Variants in SNX19 observed in about 807,000 individuals in gnomAD.
SNX19 encodes the protein sorting nexin 19.
In SNX19, 60 loss-of-function variants were observed where a neutral mutation model predicts 85.2. The observed-to-expected ratio is 0.70, with a 90% confidence interval of 0.57 to 0.87. The LOEUF (loss-of-function observed/expected upper bound fraction) is 0.87. Ranked by LOEUF, SNX19 falls within the 40% of genes least tolerant of loss-of-function variation. SNX19 has a pLI of 0.00. For synonymous variants in SNX19, 520 were observed against 470.0 expected, an observed-to-expected ratio of 1.11 and a Z score of -1.38; for missense variants, 1,201 against 1,217.8, an observed-to-expected ratio of 0.99 and a Z score of 0.21.
At chr11:130,902,128 C>T (rs770814818) in intron 8 of SNX19, among the ~76,000 whole-genome samples, 22 of 152,228 alleles carry the variant, frequency 1.4e-4, no homozygotes, top group Non-Finnish European at 2.6e-4. Context: ...AAGTGTGCTA[C>T]TAATGACGAC....
chr11:130,874,984 A>G lies in SNX19; in HGVS notation c.*3438T>C, dbSNP rs1943167906. ...TCTTCAAAGAATTAAAAACAGAACA[A>G]TATATGATCCAGCAATCCTACTTCT... On this transcript the variant is annotated 3_prime_UTR_variant, in exon 11 of 11. Coordinates refer to ENST00000265909, the MANE Select transcript of SNX19 (RefSeq NM_014758.3). 6.6e-6 allele frequency among the ~76,000 whole-genome samples: 1 copy of G among 152,222 alleles called. No homozygotes were observed. Among genetic ancestry groups the G allele is most frequent in the Admixed American group, 6.5e-5 (1 of 15,288 alleles).
Position 130,868,635 on chromosome 11 carries a change from C to G in SNX19, c.*9787G>C, listed in dbSNP as rs1942879348. The G allele has an allele frequency of 1.3e-5, 2 of 152,194 alleles. No homozygotes were observed. Among genetic ancestry groups the G allele is most frequent in the Non-Finnish European group, 2.9e-5 (2 of 68,100 alleles). The allele number at this position is 152,194 out of a possible 1,614,324, so 9.4% of individuals were successfully genotyped here. A position where few individuals can be genotyped will look rare whatever the true frequency, so the allele number is the denominator to read the frequency against. On this transcript the variant is annotated 3_prime_UTR_variant, in exon 11 of 11. Coordinates refer to ENST00000265909, the MANE Select transcript of SNX19 (RefSeq NM_014758.3). ...CGCTATGAAACTTGCTCAGGACACC[C>G]TTTTTCTCAGTTTGAGGTTAAGTAC...
In SNX19 at chr11:130,915,283, C is replaced by T. The variant is rs757101795; in HGVS notation, c.657G>A (p.Leu219=). The change falls in exon 1 of 11, where the codon TTG becomes TTA. Residue 219 remains leucine (L), a synonymous_variant. Transcript: ENST00000265909. ...GGGGCTTGGGCACCAGCCCTTGAAG[C>T]AACAAATTCACAACGCCACGCGTAT... The part of the protein sequence containing the change: ...VTYTRGVVNL[L]LQGLVPKPHL... 1.3e-5 allele frequency: 21 copies of T among 1,614,120 alleles called. No individual in the cohort carries two copies. Among genetic ancestry groups the T allele is most frequent in the Non-Finnish European group, 1.8e-5 (21 of 1,180,050 alleles).
Position 130,906,249 on chromosome 11 carries a change from C to A in SNX19, c.2263-116G>T, listed in dbSNP as rs982198509. 30 of 1,020,002 alleles carry A rather than the reference C, an allele frequency of 2.9e-5. No individual in the cohort carries two copies. In the Admixed American group the frequency reaches 3.2e-4, roughly 11 times the overall value. 63.2% of individuals were successfully genotyped at this position (1,020,002 alleles called of 1,614,324 possible). A position where few individuals can be genotyped will look rare whatever the true frequency, so the allele number is the denominator to read the frequency against. On this transcript the variant is annotated intron_variant, in intron 6 of 10. Coordinates refer to ENST00000265909, the MANE Select transcript of SNX19 (RefSeq NM_014758.3). ...TAAGTACCTTGGGTATAAAACCCAA[C>A]TGATGCTATGACTCCTTTAGGAAAG...
rs1565560071 is a variant in SNX19 at position 130,915,525 on chromosome 11, C to CCAACCCT, written c.408_414dup (p.Val139ArgfsTer48). The CCAACCCT allele has an allele frequency of 6.2e-7, 1 of 1,614,234 alleles. No individual in the cohort carries two copies. The highest frequency in any genetic ancestry group is 1.1e-5 in the South Asian group (1 of 91,088). On this transcript the variant is annotated frameshift_variant, in exon 1 of 11. Transcript: ENST00000265909. LOFTEE classifies it high-confidence loss of function. ...CTCATCCTTCTCCGAAGCTCCTGGA[C>CCAACCCT]CAACCCTTTCATGGCTGCCTCCATT...
intron 5 of SNX19, among the ~76,000 whole-genome samples, 168 bp downstream of exon 5, chr11:130,907,785 C>A (rs1402355710): frequency 6.6e-6 from 1 of 152,178 alleles, no homozygotes; most frequent in Non-Finnish European, 1.5e-5. Context: ...ACCGCAGGCT[C>A]CTCCGGGTGG....
chr11:130,891,968 G>A (rs1944530654), intron 8 of SNX19, among the ~76,000 whole-genome samples: 1 of 151,466 alleles, frequency 6.6e-6, no homozygotes, highest in South Asian at 2.1e-4. Flanking sequence ...AGCCTCCCGA[G>A]TACCTGGGAC....
At position 130,879,660 on chromosome 11, in the gene SNX19, A is replaced by G. The variant is rs774160457; in HGVS notation, c.2810T>C (p.Leu937Pro). The G allele has an allele frequency of 6.2e-6, 10 of 1,613,980 alleles. No individual in the cohort carries two copies. In the East Asian group the frequency reaches 2.2e-4, roughly 36 times the overall value. ...GGGTTGTTGTAGTGACTCCAGGACT[A>G]GACCCCAGCTCAGCCGGCATTTGTT... ...GVNKCRLSWG[L>P]VLESLQQPLI... The change falls in exon 10 of 11, where the codon CTA becomes CCA. Residue 937 changes from leucine (L) to proline (P), a missense_variant. Leu to Pro is a moderately conservative substitution (Grantham distance 98). Around this residue, in one of 3 missense-constraint regions of SNX19, gnomAD observed 285 missense variants for 295.3 expected, o/e 0.97. Transcript: ENST00000265909.
At position 130,874,475 on chromosome 11, in the gene SNX19, C is replaced by A. The variant is rs1565495612; in HGVS notation, c.*3947G>T. Among the ~76,000 whole-genome samples, 1 of 152,220 alleles carries A rather than the reference C, an allele frequency of 6.6e-6. No homozygotes were observed. The highest frequency in any genetic ancestry group is 2.1e-4 in the South Asian group (1 of 4,832). On this transcript the variant is annotated 3_prime_UTR_variant, in exon 11 of 11. Transcript: ENST00000265909. ...GAAGGCAGGCAGTCTGAGAGCACAG[C>A]TGACCTAATTAGAATGGCAAGGAAG...
At chr11:130,891,813 G>C (rs988620003) in intron 8 of SNX19, among the ~76,000 whole-genome samples, 2 of 150,932 alleles carry the variant, frequency 1.3e-5, no homozygotes, top group African/African-American at 2.4e-5. Flanking sequence ...TGAGTATTGT[G>C]ACATGTTTAA....
intron 8 of SNX19, among the ~76,000 whole-genome samples, chr11:130,898,971 C>A (rs1005805895): frequency 2.0e-5 from 3 of 152,126 alleles, no homozygotes; most frequent in African/African-American, 7.2e-5. Context: ...ATCAGAAAAA[C>A]CTGGGTTCAA....
chr11:130,911,654 C>G lies in SNX19; in HGVS notation c.1792G>C (p.Asp598His), dbSNP rs144819179. 1 of 1,614,178 alleles carries G rather than the reference C, an allele frequency of 6.2e-7. No homozygotes were observed. Among genetic ancestry groups the G allele is most frequent in the Non-Finnish European group, 8.5e-7 (1 of 1,180,024 alleles). The change falls in exon 2 of 11, where the codon GAT becomes CAT. Residue 598 changes from aspartate (D) to histidine (H), a missense_variant. Around this residue, in one of 3 missense-constraint regions of SNX19, gnomAD observed 791 missense variants for 750.9 expected, o/e 1.05. Transcript: ENST00000265909. ...NLQTRLEEKPDLRKFIKNVKG... is the reference protein window; with the variant it reads ...NLQTRLEEKPHLRKFIKNVKG... ...TGACTTTTGATGAACTTTCGTAGAT[C>G]TGGTTTCTCCTCCAGACGGGTCTGC... is the stretch of plus-strand genomic sequence containing the variant.
At position 130,903,385 on chromosome 11, in the gene SNX19, C is replaced by T. The variant is rs765841361; in HGVS notation, c.2444-1G>A. 1.2e-6 allele frequency: 2 copies of T among 1,612,046 alleles called. No individual in the cohort carries two copies. The highest frequency in any genetic ancestry group is 2.2e-5 in the South Asian group (2 of 90,916). On this transcript the variant is annotated splice_acceptor_variant, in intron 7 of 10. Coordinates refer to ENST00000265909, the MANE Select transcript of SNX19 (RefSeq NM_014758.3). LOFTEE classifies it high-confidence loss of function. ...GTGTCAGCTAACTCTGTCTCTGTTC[C>T]TGAGGGATAAAATGGCATCAGGAGT... is the stretch of plus-strand genomic sequence containing the variant.
intron 8 of SNX19, among the ~76,000 whole-genome samples, chr11:130,901,581 G>C (rs777789513): frequency 1.6e-4 from 24 of 152,244 alleles, no homozygotes; most frequent in Middle Eastern, 3.4e-3. Flanking sequence ...GAATATTCAG[G>C]CAATGATGGA....
intron 8 of SNX19, chr11:130,892,698 T>C (rs567969459): frequency 3.3e-5 from 5 of 152,250 alleles, no homozygotes; most frequent in Non-Finnish European, 7.3e-5. Context: ...TTTTGGATAA[T>C]ATGAAAACTC....
chr11:130,881,453 C>T (rs1375619490), intron 8 of SNX19, among the ~76,000 whole-genome samples: 1 of 152,208 alleles, frequency 6.6e-6, no homozygotes, highest in Non-Finnish European at 1.5e-5. Context: ...CCCAACTCTC[C>T]TCTGGCAAGG....
chr11:130,891,966 G>A (rs955054056), intron 8 of SNX19, among the ~76,000 whole-genome samples: 2 of 150,818 alleles, frequency 1.3e-5, no homozygotes, highest in African/African-American at 4.9e-5. Flanking sequence ...TCAGCCTCCC[G>A]AGTACCTGGG....
intron 4 of SNX19, among the ~76,000 whole-genome samples, chr11:130,909,253 A>T (rs1218818314): frequency 2.0e-5 from 3 of 149,780 alleles, no homozygotes; most frequent in Non-Finnish European, 2.9e-5. Flanking sequence ...TACCCAGTTG[A>T]TCCCTTTTTA....
At chr11:130,907,110 C>T (rs958940750) in intron 5 of SNX19, among the ~76,000 whole-genome samples, 13 of 152,166 alleles carry the variant, frequency 8.5e-5, no homozygotes, top group Non-Finnish European at 1.6e-4. Flanking sequence ...TTCATTATTG[C>T]TATTCATGGT....
Sources: gnomAD v4.1 joint callset for allele counts (sites outside exome capture counted in the v4.1 genomes callset) on GRCh38, gnomAD v4.1.1 for gene constraint, gnomAD v4.1.1 regional missense constraint, MANE v1.5 for transcripts, NCBI Gene and HGNC (gene_info 2026-07-23, HGNC 2026-07-21) for gene names.